NFATC1: variants seen among roughly 807,000 people sequenced by gnomAD.
NFATC1 encodes the protein nuclear factor of activated T cells 1.
A neutral mutation model predicts 76.0 loss-of-function variants in NFATC1; 22 were observed. The ratio of observed to expected loss-of-function variants is 0.29; its 90% CI spans 0.21 to 0.41. The LOEUF is 0.41. Among genes scored for constraint, NFATC1 ranks in the 10% least tolerant of loss-of-function variants. NFATC1 has a pLI of 1.00. For synonymous variants in NFATC1, 704 were observed against 613.1 expected, an observed-to-expected ratio of 1.15 and a Z score of -2.19; for missense variants, 1,357 against 1,337.7, an observed-to-expected ratio of 1.01 and a Z score of -0.23.
intron 8 of NFATC1, chr18:79,469,896 T>A: frequency 1.2e-5 from 12 of 985,432 alleles, no homozygotes; most frequent in Non-Finnish European, 1.4e-5. Context: ...CACCAGACTG[T>A]GAGCCCCTCA....
Position 79,410,782 on chromosome 18 carries a change from G to C in NFATC1, c.507G>C (p.Ser169=), listed in dbSNP as rs146706357. 2.4e-5 allele frequency: 38 copies of C among 1,612,698 alleles called. 1 individual carries two copies. The South Asian group carries it at 4.2e-4, about 18-fold the overall frequency. Residue 169 remains serine, a synonymous_variant, in exon 2 of 10, where the codon TCG becomes TCC. Coordinates refer to ENST00000427363, the MANE Select transcript of NFATC1 (RefSeq NM_001278669.2). The surrounding 1 kb of genome is among the most constrained non-coding windows in gnomAD (Gnocchi z 6.7). ...LPSLEAYRDP[S]CLSPASSLSS... is the part of the protein sequence containing the mutation. ...GCCTGGAGGCCTACAGAGACCCCTCGTGCCTGAGCCCGGCCAGCAGCCTGT... is the reference window on the plus strand; with the variant it reads ...GCCTGGAGGCCTACAGAGACCCCTCCTGCCTGAGCCCGGCCAGCAGCCTGT...
At chr18:79,459,015 G>A (rs1178242023) in intron 6 of NFATC1, among the ~76,000 whole-genome samples, 25 of 152,336 alleles carry the variant, frequency 1.6e-4, no homozygotes, top group South Asian at 4.1e-4. Context: ...GGCCACAGAC[G>A]TCGGACACCA....
chr18:79,498,864 C>G (rs1482942983), intron 9 of NFATC1, among the ~76,000 whole-genome samples: 1 of 152,104 alleles, frequency 6.6e-6, no homozygotes, highest in African/African-American at 2.4e-5. Context: ...AGTGGGACGG[C>G]GCATTCAAAA....
intron 9 of NFATC1, among the ~76,000 whole-genome samples, chr18:79,502,794 A>G (rs540754856): frequency 2.6e-5 from 4 of 152,372 alleles, no homozygotes; most frequent in South Asian, 2.1e-4. Context: ...TATCCATTCA[A>G]GTGGCTTTAG....
Position 79,432,362 on chromosome 18 carries a change from C to G in NFATC1, c.1227-1217C>G, listed in dbSNP as rs74343734. ...ACAGTCGGCGGGCCCTGGGTCTCTGCCCACACGGAGGTGAGGACGGTCGGC... is the reference window on the plus strand; with the variant it reads ...ACAGTCGGCGGGCCCTGGGTCTCTGGCCACACGGAGGTGAGGACGGTCGGC... On this transcript the variant is annotated intron_variant, in intron 2 of 9. Coordinates refer to ENST00000427363, the MANE Select transcript of NFATC1 (RefSeq NM_001278669.2). Among the ~76,000 whole-genome samples, 58 of 139,856 alleles carry G rather than the reference C, an allele frequency of 4.1e-4. No homozygotes were observed. The South Asian group carries it at 5.1e-3, about 12-fold the overall frequency. 91.8% of individuals were successfully genotyped at this position (139,856 alleles called of 152,430 possible).
At chr18:79,519,109 C>T (rs553417827) in intron 9 of NFATC1, among the ~76,000 whole-genome samples, 18 of 152,312 alleles carry the variant, frequency 1.2e-4, no homozygotes, top group African/African-American at 2.9e-4. Flanking sequence ...GCAAAGACCT[C>T]GCCTCAGAAA....
At chr18:79,469,935 A>T in intron 8 of NFATC1, 2 of 985,530 alleles carry the variant, frequency 2.0e-6, no homozygotes, top group Non-Finnish European at 2.4e-6. Context: ...CCGCAGGGCG[A>T]GATCCCCAGT....
chr18:79,432,969 C>T (rs1469632962), intron 2 of NFATC1, among the ~76,000 whole-genome samples: 1 of 152,226 alleles, frequency 6.6e-6, no homozygotes, highest in South Asian at 2.1e-4. Flanking sequence ...GCAAAGTAAC[C>T]GAACAGCCTC....
chr18:79,466,183 C>T (rs1420960546), intron 7 of NFATC1, among the ~76,000 whole-genome samples: 1 of 152,170 alleles, frequency 6.6e-6, no homozygotes, highest in Non-Finnish European at 1.5e-5. Context: ...CTCAAGTTGT[C>T]TTCAGTTTTC....
At chr18:79,404,276 G>A (rs868482658) in intron 1 of NFATC1, among the ~76,000 whole-genome samples, 1 of 152,206 alleles carries the variant, frequency 6.6e-6, no homozygotes, top group Non-Finnish European at 1.5e-5. Context: ...ATTAAATACC[G>A]TTTGTTTGCG....
rs571630642 is a variant in NFATC1, at chr18:79,474,087, C to T, written c.2092+6505C>T. On this transcript the variant is annotated intron_variant, in intron 8 of 9. Transcript: ENST00000427363. ...CCTGAGGGAAGCGTGTTCTCACGCT[C>T]ACTGTCGACGTTGTAAACCTGAGGG... is the stretch of plus-strand genomic sequence containing the variant. 1.1e-3 allele frequency among the ~76,000 whole-genome samples: 161 copies of T among 145,288 alleles called. 5 individuals carry two copies. The highest frequency in any genetic ancestry group is 7.1e-3 in the Admixed American group (105 of 14,754).
chr18:79,469,907 G>A, intron 8 of NFATC1: 1 of 985,526 alleles, frequency 1.0e-6, no homozygotes, highest in Non-Finnish European at 1.2e-6. Flanking sequence ...GAGCCCCTCA[G>A]GCAGAGCCCC....
rs984030142 is a variant in NFATC1 at position 79,528,456 on chromosome 18, C to G, written c.*879C>G. ...GGAGGGCTTCCCTGTCAGCAATAAC[C>G]GGCATCCGTTTTGGAACCTGCGTCT... On this transcript the variant is annotated 3_prime_UTR_variant, in exon 10 of 10. Transcript: ENST00000427363. 6.6e-6 allele frequency: 1 copy of G among 152,248 alleles called. No individual in the cohort carries two copies. The highest frequency in any genetic ancestry group is 2.4e-5 in the African/African-American group (1 of 41,446). The allele number at this position is 152,248 out of a possible 1,614,324, so 9.4% of individuals were successfully genotyped here.
rs531712742 is a variant in NFATC1 at position 79,516,874 on chromosome 18, A to G, written c.2783-10654A>G. Among the ~76,000 whole-genome samples the G allele has an allele frequency of 1.1e-4, 17 of 152,346 alleles. No homozygotes were observed. The South Asian group carries it at 1.5e-3, about 13-fold the overall frequency. ...AACCATATTTTTATGTACTTAGCTC[A>G]TATCTACTGTAATACCTTAAATGAG... On this transcript the variant is annotated intron_variant, in intron 9 of 9. Transcript: ENST00000427363.
intron 4 of NFATC1, among the ~76,000 whole-genome samples, chr18:79,449,647 G>A (rs1226476651): frequency 2.0e-5 from 3 of 152,164 alleles, no homozygotes; most frequent in African/African-American, 2.4e-5. Context: ...CGGCTGGAAC[G>A]TGCAGACCAG....
intron 3 of NFATC1, among the ~76,000 whole-genome samples, chr18:79,437,879 T>C (rs1272110075): frequency 2.0e-5 from 3 of 152,240 alleles, no homozygotes; most frequent in Admixed American, 6.5e-5. Flanking sequence ...CCCTCAGCGC[T>C]GCTCACCTCG....
chr18:79,414,688 C>T (rs563208832), intron 2 of NFATC1, among the ~76,000 whole-genome samples: 64 of 152,262 alleles, frequency 4.2e-4, no homozygotes, highest in African/African-American at 1.5e-3. Context: ...ACAGGAATCA[C>T]AGGCCACCTG....
At chr18:79,492,703 C>T (rs1369178894) in intron 9 of NFATC1, among the ~76,000 whole-genome samples, 1 of 141,774 alleles carries the variant, frequency 7.1e-6, no homozygotes, top group African/African-American at 2.6e-5. Context: ...AGCGAGACTC[C>T]ATCTCAAAAA....
intron 9 of NFATC1, among the ~76,000 whole-genome samples, chr18:79,513,813 G>A (rs1418036253): frequency 1.3e-5 from 2 of 152,242 alleles, no homozygotes; most frequent in East Asian, 1.9e-4. Context: ...GAGGGGAGGT[G>A]CGTGGCGTGG....
Sources: allele counts gnomAD v4.1 joint callset (sites outside exome capture counted in the v4.1 genomes callset), GRCh38; gene constraint gnomAD v4.1.1; non-coding constraint Gnocchi (gnomAD v3.1); transcripts MANE v1.5; gene names NCBI Gene and HGNC (gene_info 2026-07-23, HGNC 2026-07-21).